Variants in PSMA1 observed in about 807,000 individuals in gnomAD.
The protein encoded by PSMA1 is proteasome 20S subunit alpha 1, also known as proteasome subunit alpha type-1.
A neutral mutation model predicts 38.4 loss-of-function variants in PSMA1; 3 were observed. The ratio of observed to expected loss-of-function variants is 0.08; its 90% CI spans 0.04 to 0.20. The LOEUF (loss-of-function observed/expected upper bound fraction) is 0.20. Ranked by LOEUF, PSMA1 falls within the 10% of genes least tolerant of loss-of-function variation. The probability of loss-of-function intolerance (pLI) is 1.00; values close to 1 mark genes in which losing one functional copy is unlikely to be tolerated. For missense variants in PSMA1, 227 were observed against 325.3 expected, an observed-to-expected ratio of 0.70 and a Z score of 2.32; for synonymous variants, 101 against 107.1, an observed-to-expected ratio of 0.94 and a Z score of 0.35.
At chr11:14,562,892 AT>A (rs1191504619) in intron 2 of PSMA1, among the ~76,000 whole-genome samples, 1 of 152,114 alleles carries the variant, frequency 6.6e-6, no homozygotes, top group African/African-American at 2.4e-5. Flanking sequence ...GCATTTTACA[AT>A]TATTATGTCA....
chr11:14,640,722 T>C (rs1187506209), intron 1 of PSMA1, among the ~76,000 whole-genome samples: 3 of 152,190 alleles, frequency 2.0e-5, no homozygotes, highest in Non-Finnish European at 4.4e-5. Context: ...AGCTTGTCCA[T>C]TTTTGTTTTT....
chr11:14,627,281 G>A (rs974000120), intron 1 of PSMA1, among the ~76,000 whole-genome samples: 29 of 152,030 alleles, frequency 1.9e-4, no homozygotes, highest in Admixed American at 1.6e-3. Flanking sequence ...GGGTCTATTC[G>A]AAACTATGCT....
intron 2 of PSMA1, among the ~76,000 whole-genome samples, chr11:14,543,451 T>C (rs906331654): frequency 3.3e-5 from 5 of 152,196 alleles, no homozygotes; most frequent in Non-Finnish European, 4.4e-5. Context: ...ATGTAAAGCA[T>C]ACATGATTCG....
chr11:14,635,393 G>C (rs1243822388), intron 1 of PSMA1, among the ~76,000 whole-genome samples: 2 of 152,212 alleles, frequency 1.3e-5, no homozygotes, highest in African/African-American at 2.4e-5. Context: ...GACCATGCTA[G>C]AGAGTTGTCA....
chr11:14,577,877 C>T (rs1217886336), intron 2 of PSMA1, among the ~76,000 whole-genome samples: 1 of 152,192 alleles, frequency 6.6e-6, no homozygotes. Context: ...ACAAAAAAAT[C>T]CATGCCTAAC....
chr11:14,625,351 G>A (rs1438260810), intron 1 of PSMA1, among the ~76,000 whole-genome samples: 1 of 152,186 alleles, frequency 6.6e-6, no homozygotes, highest in Non-Finnish European at 1.5e-5. Context: ...GGGAGGCTGA[G>A]GTAGGAGAAT....
At chr11:14,550,112 C>T (rs1851869883) in intron 2 of PSMA1, among the ~76,000 whole-genome samples, 1 of 152,196 alleles carries the variant, frequency 6.6e-6, no homozygotes, top group African/African-American at 2.4e-5. Context: ...GTTATGACTG[C>T]ATCTCTTCAT....
chr11:14,621,422 T>C (rs1204031440), intron 1 of PSMA1, among the ~76,000 whole-genome samples: 2 of 152,074 alleles, frequency 1.3e-5, no homozygotes. Flanking sequence ...CACCCCCAGC[T>C]AATTTTCAAT....
chr11:14,602,933 G>A (rs1011841258), intron 2 of PSMA1, among the ~76,000 whole-genome samples: 1 of 152,182 alleles, frequency 6.6e-6, no homozygotes, highest in Non-Finnish European at 1.5e-5. Context: ...GCTGTGCGGG[G>A]AGACATAAGT....
At chr11:14,551,375 C>T (rs889922881) in intron 2 of PSMA1, among the ~76,000 whole-genome samples, 7 of 152,110 alleles carry the variant, frequency 4.6e-5, no homozygotes, top group African/African-American at 1.7e-4. Context: ...CAGATCTATG[C>T]AAAATCATCC....
intron 1 of PSMA1, among the ~76,000 whole-genome samples, chr11:14,615,901 A>G (rs1487503173): frequency 6.6e-6 from 1 of 152,134 alleles, no homozygotes; most frequent in Non-Finnish European, 1.5e-5. Flanking sequence ...AGGGTTTTGC[A>G]AAGACCGCAG....
At chr11:14,524,277 T>C (rs535850851), upstream of PSMA1, among the ~76,000 whole-genome samples, 170 of 152,010 alleles carry the variant, frequency 1.1e-3, no homozygotes, top group Non-Finnish European at 1.8e-3. Context: ...GCCTCTGAGC[T>C]CAAGCTAAGC....
intron 1 of PSMA1, 131 bp from the exon 2 acceptor site, chr11:14,519,172 G>C: frequency 1.3e-6 from 1 of 768,278 alleles, no homozygotes; most frequent in East Asian, 2.8e-5. Flanking sequence ...CTTACTGGAA[G>C]ATTACTACTG....
intron 2 of PSMA1, among the ~76,000 whole-genome samples, chr11:14,556,450 T>C (rs1269867725): frequency 6.6e-6 from 1 of 152,192 alleles, no homozygotes; most frequent in Non-Finnish European, 1.5e-5. Flanking sequence ...TGGAATCTTC[T>C]TTTTTTAATG....
At chr11:14,514,620 G>A in intron 4 of PSMA1, 129 bp from the exon 5 acceptor site, 2 of 713,150 alleles carry the variant, frequency 2.8e-6, no homozygotes, top group South Asian at 3.0e-5. Context: ...AAAAACAGAA[G>A]GTAAGAAAGA....
intron 7 of PSMA1, among the ~76,000 whole-genome samples, chr11:14,511,565 C>T (rs1851343665): frequency 6.6e-6 from 1 of 152,114 alleles, no homozygotes; most frequent in African/African-American, 2.4e-5. Flanking sequence ...TGCATAACCA[C>T]CCCAAGAGAT....
intron 2 of PSMA1, among the ~76,000 whole-genome samples, chr11:14,548,017 A>AAC (rs141234079): frequency 0.072 from 10,826 of 149,372 alleles, 468 homozygotes; most frequent in East Asian, 0.13. Flanking sequence ...CACTATATAC[A>AAC]ACACACACAC....
At chr11:14,514,056 C>T in intron 5 of PSMA1, 169 bp from the exon 6 acceptor site, 2 of 1,328,622 alleles carry the variant, frequency 1.5e-6, no homozygotes, top group Non-Finnish European at 1.9e-6. Context: ...AAATGTTTGA[C>T]TTTCTACCGA....
chr11:14,561,123 A>T (rs1413128718), intron 2 of PSMA1, among the ~76,000 whole-genome samples: 6 of 152,222 alleles, frequency 3.9e-5, no homozygotes, highest in Non-Finnish European at 8.8e-5. Flanking sequence ...GAACATAAAA[A>T]TATTAACTGC....
Sources: allele counts gnomAD v4.1 joint callset (sites outside exome capture counted in the v4.1 genomes callset), GRCh38; gene constraint gnomAD v4.1.1; transcripts MANE v1.5; gene names NCBI Gene and HGNC (gene_info 2026-07-23, HGNC 2026-07-21).